The following VPS13D variants were observed in gnomAD, a reference collection of about 807,000 sequenced individuals.
VPS13D encodes the protein intermembrane lipid transfer protein VPS13D.
VPS13D carries 187 observed loss-of-function variants against 461.9 expected under a neutral mutation model. The observed-to-expected ratio is 0.40, with a 90% CI of 0.36 to 0.46. The LOEUF is 0.46. VPS13D is among the 20% of genes least tolerant of loss of function. The probability of loss-of-function intolerance (pLI) is 0.60; values close to 1 mark genes in which losing one functional copy is unlikely to be tolerated. For missense variants in VPS13D, 4,711 were observed against 5,364.9 expected (o/e 0.88, Z 3.81); for synonymous variants, 1,951 against 1,986.3 (o/e 0.98, Z 0.47).
intron 68 of VPS13D, among the ~76,000 whole-genome samples, chr1:12,503,355 T>C (rs974535618): frequency 4.6e-5 from 7 of 151,816 alleles, no homozygotes; most frequent in African/African-American, 1.7e-4. Flanking sequence ...TCTTCTTCTT[T>C]TTTTTTTTAA....
intron 67 of VPS13D, among the ~76,000 whole-genome samples, chr1:12,494,443 G>C (rs187725184): frequency 6.6e-6 from 1 of 152,170 alleles, no homozygotes; most frequent in Non-Finnish European, 1.5e-5. Flanking sequence ...CTAGAAAGCT[G>C]TTTGATCGTG....
rs770101830 is a variant in VPS13D at position 12,318,177 on chromosome 1, T to C, written c.7254T>C (p.Ser2418=). The C allele has an allele frequency of 3.1e-6, 5 of 1,614,188 alleles. No homozygotes were observed. Among genetic ancestry groups the C allele is most frequent in the Non-Finnish European group, 3.4e-6 (4 of 1,180,028 alleles). The change falls in exon 31 of 70, where the codon AGT becomes AGC. Residue 2418 remains serine (S), a synonymous_variant. Transcript: ENST00000620676. ...LLVHDFLHTP[S]DIKKQNHVTP... is the part of the protein sequence containing the mutation. The stretch of plus-strand genomic sequence containing the variant: ...TCCATGATTTTCTCCACACTCCCAG[T>C]GATATTAAGAAACAAAATCATGTTA...
At chr1:12,360,016 A>G (rs1007105523) in intron 50 of VPS13D, among the ~76,000 whole-genome samples, 3 of 152,204 alleles carry the variant, frequency 2.0e-5, no homozygotes, top group African/African-American at 7.2e-5. Flanking sequence ...TTCCTTTTAT[A>G]GCAGCTAGCA....
Position 12,262,024 on chromosome 1 carries a change from A to T in VPS13D, c.1538A>T (p.Lys513Met), listed in dbSNP as rs140107975. 1.9e-6 allele frequency: 3 copies of T among 1,614,140 alleles called. No individual in the cohort carries two copies. The highest frequency in any genetic ancestry group is 2.5e-6 in the Non-Finnish European group (3 of 1,180,000). Residue 513 changes from lysine to methionine, a missense_variant, in exon 13 of 70, where the codon AAG (lysine) becomes ATG (methionine). Lys to Met is a moderately conservative substitution (Grantham distance 95, BLOSUM62 -1). Coordinates refer to ENST00000620676, the MANE Select transcript of VPS13D (RefSeq NM_015378.4). The stretch of plus-strand genomic sequence containing the variant: ...CGAGGTACAGTGACTCTGTTACACA[A>T]GGAGCAAGGAACTCCTCAAATGAAT... ...LQRGTVTLLH[K>M]EQGTPQMNES... is the part of the protein sequence containing the mutation.
chr1:12,234,449 C>T (rs1485939217), intron 2 of VPS13D, 86 bp downstream of exon 2: 6 of 1,102,214 alleles, frequency 5.4e-6, no homozygotes, highest in African/African-American at 1.6e-5. Context: ...ATCATAAAAC[C>T]TAATGCCCAG....
Position 12,349,217 on chromosome 1 carries a change from C to CACCT in VPS13D, c.9275_9278dup (p.Thr3094ProfsTer19). The CACCT allele has an allele frequency of 6.2e-7, 1 of 1,614,208 alleles. No individual in the cohort carries two copies. On this transcript the variant is annotated frameshift_variant, in exon 46 of 70. Transcript: ENST00000620676. LOFTEE classifies it high-confidence loss of function. The stretch of plus-strand genomic sequence containing the variant: ...AGGGGATTCGTTTGCTGTGCCTTTA[C>CACCT]ACCTCACTTCTTGGCGGCTACAGGC...
intron 27 of VPS13D, among the ~76,000 whole-genome samples, chr1:12,308,851 C>A (rs1487735598): frequency 2.6e-5 from 4 of 151,998 alleles, no homozygotes; most frequent in Non-Finnish European, 5.9e-5. Context: ...GGGGTTTTAC[C>A]ATGTTGTGGT....
At chr1:12,448,760 T>C (rs987989567) in intron 65 of VPS13D, among the ~76,000 whole-genome samples, 1 of 152,238 alleles carries the variant, frequency 6.6e-6, no homozygotes, top group Non-Finnish European at 1.5e-5. Context: ...TTTTACTTTA[T>C]AGCATACTCC....
chr1:12,343,110 C>A, intron 42 of VPS13D, 59 bp downstream of exon 42: 1 of 1,453,686 alleles, frequency 6.9e-7, no homozygotes, highest in South Asian at 1.5e-5. Context: ...GTGAGGGTCC[C>A]TAGTGTTTTG....
At chr1:12,312,507 C>G (rs1340768924) in intron 29 of VPS13D, among the ~76,000 whole-genome samples, 1 of 152,188 alleles carries the variant, frequency 6.6e-6, no homozygotes, top group Non-Finnish European at 1.5e-5. Context: ...CCTGTAGTCC[C>G]AGCACTTTAG....
chr1:12,456,493 A>G (rs1645329364), intron 66 of VPS13D, among the ~76,000 whole-genome samples: 1 of 151,614 alleles, frequency 6.6e-6, no homozygotes, highest in South Asian at 2.1e-4. Flanking sequence ...CGAAAATTAG[A>G]CAGGCGTGGT....
At chr1:12,291,213 T>C (rs989791289) in intron 23 of VPS13D, 89 bp downstream of exon 23, 2 of 1,438,010 alleles carry the variant, frequency 1.4e-6, no homozygotes, top group African/African-American at 1.4e-5. Context: ...AAGAAAACTT[T>C]TAAAAATTTT....
chr1:12,337,689 A>G (rs1203656167), intron 39 of VPS13D: 1 of 152,320 alleles, frequency 6.6e-6, no homozygotes, highest in Non-Finnish European at 1.5e-5. Context: ...AAATATTCTG[A>G]AAACTTCCAT....
Position 12,506,372 on chromosome 1 carries a change from G to A in VPS13D, c.12795-481G>A, listed in dbSNP as rs78425617. Among the ~76,000 whole-genome samples, 300 of 152,316 alleles carry A rather than the reference G, an allele frequency of 2.0e-3. 9 individuals are homozygous for A. The East Asian group carries it at 0.054, about 27-fold the overall frequency. On this transcript the variant is annotated intron_variant, in intron 68 of 69. Transcript: ENST00000620676. ...CTGAACATGAAGTGGATGGGGGGGT[G>A]CCCTGTCCCTGGAGGTGCTGAGCTT...
At chr1:12,363,829 T>C (rs1323439530) in intron 52 of VPS13D, among the ~76,000 whole-genome samples, 3 of 151,810 alleles carry the variant, frequency 2.0e-5, no homozygotes, top group Non-Finnish European at 4.4e-5. Context: ...GGTGTGTGGC[T>C]GTAGTCACAG....
chr1:12,242,970 T>G (rs1308847044), intron 3 of VPS13D, among the ~76,000 whole-genome samples: 2 of 151,674 alleles, frequency 1.3e-5, no homozygotes, highest in Non-Finnish European at 2.9e-5. Flanking sequence ...TTTTTTTTTT[T>G]CAGATGGAGT....
At chr1:12,499,934 A>G in intron 68 of VPS13D, 1 of 978,806 alleles carries the variant, frequency 1.0e-6, no homozygotes, top group South Asian at 4.7e-5. Context: ...GTAATTAAAA[A>G]CATGTTTAAA....
chr1:12,328,702 G>A (rs960019112), intron 36 of VPS13D, among the ~76,000 whole-genome samples: 3 of 152,092 alleles, frequency 2.0e-5, no homozygotes, highest in African/African-American at 7.2e-5. Context: ...CACCATGCCT[G>A]GCTAATTTTG....
rs1387645648 is a variant in VPS13D at position 12,341,765 on chromosome 1, T to C, written c.8627-15T>C. On this transcript the variant is annotated splice_polypyrimidine_tract_variant and intron_variant, in intron 40 of 69. Transcript: ENST00000620676. ...ATAGGGGCGTCTGCTCATAGCCTTC[T>C]TCTGTTTGTCGTAGCAGAGGTGAAA... 2 of 1,612,870 alleles carry C rather than the reference T, an allele frequency of 1.2e-6. No homozygotes were observed. The highest frequency in any genetic ancestry group is 2.2e-5 in the East Asian group (1 of 44,862).
Sources: allele counts gnomAD v4.1 joint callset (sites outside exome capture counted in the v4.1 genomes callset), GRCh38; gene constraint gnomAD v4.1.1; transcripts MANE v1.5; gene names NCBI Gene and HGNC (gene_info 2026-07-23, HGNC 2026-07-21).